The following DOCK11 variants were observed in gnomAD, a reference collection of about 807,000 sequenced individuals.
DOCK11 encodes the protein dedicator of cytokinesis 11.
Under a neutral mutation model 169.1 loss-of-function variants are expected in DOCK11, and 70 were observed. That is an observed-to-expected ratio of 0.41 (90% CI 0.34 to 0.51). The LOEUF (loss-of-function observed/expected upper bound fraction) is 0.51, where lower values mean the gene tolerates loss of function less well. Among genes scored for constraint, DOCK11 ranks in the 20% least tolerant of loss-of-function variants. The pLI is 0.10. For synonymous variants in DOCK11, 529 were observed against 541.3 expected (o/e 0.98, Z 0.32); for missense variants, 1,166 against 1,538.8 (o/e 0.76, Z 4.05).
intron 1 of DOCK11, among the ~76,000 whole-genome samples, chrX:118,529,921 A>T (rs923879942): frequency 9.8e-5 from 11 of 111,754 alleles, no homozygotes; most frequent in Admixed American, 7.6e-4. Flanking sequence ...CTGAAGATGG[A>T]GACCAGATCA....
chrX:118,637,241 A>T (rs972534492), intron 36 of DOCK11, among the ~76,000 whole-genome samples: 1 of 110,554 alleles, frequency 9.0e-6, no homozygotes, highest in Non-Finnish European at 1.9e-5. Context: ...GGGTGGAGGG[A>T]TATCAGGGGA....
chrX:118,647,136 GAT>G (rs200671722), intron 40 of DOCK11, among the ~76,000 whole-genome samples: 1,513 of 76,921 alleles, frequency 0.02, 13 homozygotes, highest in Non-Finnish European at 0.028. Context: ...ATGTGAAGAG[GAT>G]ATGTGTGTGT....
intron 40 of DOCK11, among the ~76,000 whole-genome samples, chrX:118,644,394 G>A (rs2015605065): frequency 8.9e-6 from 1 of 112,022 alleles, no homozygotes; most frequent in East Asian, 2.8e-4. Context: ...GAAATTAGAT[G>A]AATTTGAAGC....
At chrX:118,545,742 G>A (rs1307204249) in intron 5 of DOCK11, among the ~76,000 whole-genome samples, 3 of 111,011 alleles carry the variant, frequency 2.7e-5, no homozygotes, top group African/African-American at 6.6e-5. Context: ...CAGATGGCCC[G>A]GATGTCTGTG....
intron 1 of DOCK11, among the ~76,000 whole-genome samples, chrX:118,529,671 C>T (rs1023097230): frequency 1.8e-5 from 2 of 111,761 alleles, no homozygotes; most frequent in African/African-American, 6.5e-5. Context: ...CACCTTGGCA[C>T]CTCTGAAATG....
chrX:118,550,496 C>T (rs1488690507), intron 6 of DOCK11, among the ~76,000 whole-genome samples: 2 of 111,668 alleles, frequency 1.8e-5, no homozygotes, highest in African/African-American at 6.5e-5. Flanking sequence ...TTAGTTGGAA[C>T]TGCAGTGTTG....
intron 1 of DOCK11, among the ~76,000 whole-genome samples, chrX:118,542,518 GTT>G (rs1491490130): frequency 2.6e-3 from 125 of 48,719 alleles, no homozygotes; most frequent in African/African-American, 8.6e-3. Flanking sequence ...GTGTGTGTGT[GTT>G]TGTGTGTGTG....
chrX:118,629,476 T>C (rs2015183012), intron 34 of DOCK11, among the ~76,000 whole-genome samples: 1 of 111,364 alleles, frequency 9.0e-6, no homozygotes, highest in African/African-American at 3.3e-5. Context: ...TTATTGTTAT[T>C]CTATTCATAT....
intron 31 of DOCK11, 139 bp downstream of exon 31, chrX:118,618,867 T>G: frequency 2.0e-6 from 1 of 502,457 alleles, no homozygotes; most frequent in Non-Finnish European, 3.0e-6. Context: ...CATAAGTTGT[T>G]TTTTTTTTGA....
intron 1 of DOCK11, among the ~76,000 whole-genome samples, chrX:118,515,475 C>T (rs766235737): frequency 4.5e-5 from 5 of 111,118 alleles, no homozygotes; most frequent in East Asian, 2.8e-4. Context: ...TCAGGTGATC[C>T]GCCCGCCTTG....
chrX:118,576,010 C>G (rs898991533), intron 12 of DOCK11, among the ~76,000 whole-genome samples: 2 of 112,234 alleles, frequency 1.8e-5, no homozygotes, highest in African/African-American at 3.2e-5. Context: ...GATATAATCA[C>G]TACTGTTTGA....
intron 31 of DOCK11, among the ~76,000 whole-genome samples, chrX:118,623,517 C>T (rs368173636): frequency 8.0e-5 from 9 of 112,846 alleles, no homozygotes; most frequent in Admixed American, 1.9e-4. Context: ...CATTTATGCA[C>T]ATCAGCATCA....
At chrX:118,662,041 C>A (rs2016227358) in intron 44 of DOCK11, among the ~76,000 whole-genome samples, 1 of 111,934 alleles carries the variant, frequency 8.9e-6, no homozygotes, top group South Asian at 3.7e-4. Context: ...ATTTATTATC[C>A]CTGTTTTACA....
At chrX:118,519,565 G>A (rs147253209) in intron 1 of DOCK11, among the ~76,000 whole-genome samples, 1,203 of 111,504 alleles carry the variant, frequency 0.011, 17 homozygotes, top group African/African-American at 0.037. Flanking sequence ...TTTAAGGTCT[G>A]CTCTTCACTG....
In DOCK11 at chrX:118,542,175, CT is replaced by C. The variant is rs35885757; in HGVS notation, c.103-535del. 8.9e-3 allele frequency among the ~76,000 whole-genome samples: 891 copies of C among 100,301 alleles called. 7 individuals carry two copies. The highest frequency in any genetic ancestry group is 0.026 in the African/African-American group (711 of 27,650). 87.1% of individuals were successfully genotyped at this position (100,301 alleles called of 115,157 possible). A position where few individuals can be genotyped will look rare whatever the true frequency, so the allele number is the denominator to read the frequency against. On this transcript the variant is annotated intron_variant, in intron 1 of 52. Coordinates refer to ENST00000276202, the MANE Select transcript of DOCK11 (RefSeq NM_144658.4). ...ATAACACAGTTCTATTTCTCCAGAA[CT>C]TTTTTTTTTTTTTTGGAGAGACAGG...
chrX:118,503,179 G>A (rs1347260615), intron 1 of DOCK11, among the ~76,000 whole-genome samples: 1 of 107,096 alleles, frequency 9.3e-6, no homozygotes, highest in Non-Finnish European at 1.9e-5. Flanking sequence ...CCTGCCTCGG[G>A]CTCCTGAGTA....
rs146811125 is a variant in DOCK11, at chrX:118,680,109, T to C, written c.5461-373T>C. On this transcript the variant is annotated intron_variant, in intron 48 of 52. Transcript: ENST00000276202. ...GCCTGGCTAATTTTTGTGTTTTTAGTAGAGACAAGGTTTCACCATGTTGGC... is the reference window on the plus strand; with the variant it reads ...GCCTGGCTAATTTTTGTGTTTTTAGCAGAGACAAGGTTTCACCATGTTGGC... Among the ~76,000 whole-genome samples, 14 of 108,571 alleles carry C rather than the reference T, an allele frequency of 1.3e-4. No individual in the cohort carries two copies. In the East Asian group the frequency reaches 4.1e-3, roughly 31 times the overall value. The allele number at this position is 108,571 out of a possible 115,157, so 94.3% of individuals were successfully genotyped here.
chrX:118,590,372 C>A, intron 19 of DOCK11, 70 bp downstream of exon 19: 1 of 878,743 alleles, frequency 1.1e-6, no homozygotes, highest in Non-Finnish European at 1.6e-6. Flanking sequence ...GAATCATTTT[C>A]ATCATTTTAC....
chrX:118,509,533 G>A lies in DOCK11; in HGVS notation c.102+13460G>A, dbSNP rs774000265. On this transcript the variant is annotated intron_variant, in intron 1 of 52. Transcript: ENST00000276202. The stretch of plus-strand genomic sequence containing the variant: ...ACTGCCTCGGCCTCCCAAAGTGCTC[G>A]GATTATAGGCGTGAGCCACTGCACC... 7.2e-5 allele frequency among the ~76,000 whole-genome samples: 8 copies of A among 111,733 alleles called. No individual in the cohort carries two copies. The East Asian group carries it at 1.4e-3, about 20-fold the overall frequency.
Sources: allele counts gnomAD v4.1 joint callset (sites outside exome capture counted in the v4.1 genomes callset), GRCh38; gene constraint gnomAD v4.1.1; transcripts MANE v1.5; gene names NCBI Gene and HGNC (gene_info 2026-07-23, HGNC 2026-07-21).